The following MAF variants were observed in gnomAD, a reference collection of about 807,000 sequenced individuals.
MAF encodes the protein transcription factor Maf.
MAF carries 10 observed loss-of-function variants against 22.0 expected under a neutral mutation model. That is an observed-to-expected ratio of 0.45 (90% confidence interval 0.28 to 0.77). The LOEUF is 0.77. MAF is among the 30% of genes least tolerant of loss of function. The pLI, the probability that MAF is intolerant of heterozygous loss-of-function variation, is 0.12. For missense variants in MAF, 544 were observed against 548.4 expected, an observed-to-expected ratio of 0.99 and a Z score of 0.08; for synonymous variants, 337 against 255.8, an observed-to-expected ratio of 1.32 and a Z score of -3.03.
At chr16:79,240,787 C>T in the MAF span, among the ~76,000 whole-genome samples, 1 of 151,930 alleles carries the variant, frequency 6.6e-6, no homozygotes, top group African/African-American at 2.4e-5. Flanking sequence ...ACACCTCATA[C>T]AAGAGAGCTT....
the MAF span, chr16:79,516,414 C>T: frequency 6.6e-5 from 10 of 152,084 alleles, no homozygotes; most frequent in Admixed American, 6.6e-5. Context: ...TACAAACCTT[C>T]TTTGTTTAAA....
chr16:79,212,426 G>A, the MAF span: 165,280 of 314,970 alleles, frequency 0.52, 46,273 homozygotes, highest in Non-Finnish European at 0.61. Context: ...CTAATGCTAT[G>A]CAAAAAATTC....
chr16:79,505,236 A>C, the MAF span, among the ~76,000 whole-genome samples: 3 of 152,232 alleles, frequency 2.0e-5, no homozygotes, highest in Non-Finnish European at 2.9e-5. Flanking sequence ...AACAGCCAAA[A>C]AACACAATTC....
At chr16:79,340,180 G>A in the MAF span, among the ~76,000 whole-genome samples, 1 of 151,954 alleles carries the variant, frequency 6.6e-6, no homozygotes, top group African/African-American at 2.4e-5. Flanking sequence ...TCAAATACCT[G>A]CCCCTCCTTC....
chr16:79,599,797 G>C lies in MAF; in HGVS notation c.106C>G (p.Pro36Ala). Residue 36 changes from proline to alanine, a missense_variant, in exon 1 of 2, where the codon CCG becomes GCG. Transcript: ENST00000326043. The part of the protein sequence containing the change: ...DLMKFEVKKE[P>A]VETDRIISQC... ...CTGATGATGCGGTCGGTCTCCACCG[G>C]TTCCTTTTTCACTTCAAACTTCATC... The C allele has an allele frequency of 1.2e-6, 2 of 1,613,044 alleles. No individual in the cohort carries two copies. The highest frequency in any genetic ancestry group is 1.1e-5 in the South Asian group (1 of 91,072).
At chr16:79,548,856 T>A in the MAF span, among the ~76,000 whole-genome samples, 1 of 152,100 alleles carries the variant, frequency 6.6e-6, no homozygotes, top group Non-Finnish European at 1.5e-5. Context: ...AGAGGGTAAG[T>A]CTTCTCTTCT....
the MAF span, among the ~76,000 whole-genome samples, chr16:79,321,010 T>G: frequency 3.3e-5 from 5 of 152,214 alleles, no homozygotes; most frequent in African/African-American, 1.2e-4. Context: ...CCCAGGTGAC[T>G]AACTGAGGAG....
chr16:79,425,437 C>T, the MAF span, among the ~76,000 whole-genome samples: 32,340 of 152,138 alleles, frequency 0.21, 4,147 homozygotes, highest in African/African-American at 0.36. Flanking sequence ...GGCCTAGGAA[C>T]TCTAGCAAAC....
the MAF span, among the ~76,000 whole-genome samples, chr16:79,249,024 GC>G: frequency 6.6e-6 from 1 of 152,266 alleles, no homozygotes; most frequent in Non-Finnish European, 1.5e-5. Flanking sequence ...AAATTCATAT[GC>G]TGAAGCCTAA....
At chr16:79,250,701 T>A in the MAF span, among the ~76,000 whole-genome samples, 2 of 152,158 alleles carry the variant, frequency 1.3e-5, no homozygotes, top group Non-Finnish European at 2.9e-5. Flanking sequence ...TGGGATTCTA[T>A]CCAGCAGGCC....
the MAF span, among the ~76,000 whole-genome samples, chr16:79,450,377 A>G: frequency 6.6e-6 from 1 of 152,244 alleles, no homozygotes. Context: ...AGAAATGTCC[A>G]TCTATCAATG....
At chr16:79,567,833 A>C in the MAF span, among the ~76,000 whole-genome samples, 1 of 152,230 alleles carries the variant, frequency 6.6e-6, no homozygotes, top group Non-Finnish European at 1.5e-5. Flanking sequence ...TCCACCTGCC[A>C]GCTAATGTCT....
chr16:79,596,970 A>G (rs1238964838), intron 1 of MAF: 2 of 1,051,518 alleles, frequency 1.9e-6, no homozygotes, highest in African/African-American at 1.7e-5. Context: ...AAAAAAAAAC[A>G]TACATTTTTG....
chr16:79,438,654 A>G, the MAF span, among the ~76,000 whole-genome samples: 19 of 152,134 alleles, frequency 1.2e-4, no homozygotes, highest in African/African-American at 4.3e-4. Context: ...TCAGTTTTCT[A>G]AGTCTGCACA....
the MAF span, among the ~76,000 whole-genome samples, chr16:79,549,054 T>A: frequency 6.6e-6 from 1 of 152,196 alleles, no homozygotes. Flanking sequence ...GGTTTCTTCA[T>A]CTGTAAAACA....
chr16:79,589,837 G>C (rs367856745), downstream of MAF, among the ~76,000 whole-genome samples: 1 of 152,330 alleles, frequency 6.6e-6, no homozygotes, highest in African/African-American at 2.4e-5. Flanking sequence ...GGGCGCGCTG[G>C]GTGTGGCCGT....
the MAF span, among the ~76,000 whole-genome samples, chr16:79,429,451 G>C: frequency 6.6e-6 from 1 of 152,128 alleles, no homozygotes; most frequent in Non-Finnish European, 1.5e-5. Flanking sequence ...TCTGAGGAGC[G>C]CCGTGCCTCC....
the MAF span, among the ~76,000 whole-genome samples, chr16:79,387,124 C>A: frequency 6.6e-6 from 1 of 152,086 alleles, no homozygotes; most frequent in African/African-American, 2.4e-5. Flanking sequence ...TAAGCAAATT[C>A]TCTGCTAAAC....
the MAF span, among the ~76,000 whole-genome samples, chr16:79,463,344 T>G: frequency 1.3e-5 from 2 of 152,210 alleles, no homozygotes; most frequent in African/African-American, 4.8e-5. Context: ...TTTAATAAGA[T>G]CACTCTTGCT....
Sources: allele counts gnomAD v4.1 joint callset (sites outside exome capture counted in the v4.1 genomes callset), GRCh38; gene constraint gnomAD v4.1.1; transcripts MANE v1.5; gene names NCBI Gene and HGNC (gene_info 2026-07-23, HGNC 2026-07-21).